The following AIFM1 variants were observed in gnomAD, a reference collection of about 807,000 sequenced individuals.
AIFM1 encodes the protein apoptosis inducing factor mitochondria associated 1, also known as apoptosis-inducing factor 1, mitochondrial.
A neutral mutation model predicts 51.7 loss-of-function variants in AIFM1; 3 were observed. The ratio of observed to expected loss-of-function variants is 0.06; its 90% CI spans 0.03 to 0.15. The LOEUF is 0.15. Ranked by LOEUF, AIFM1 falls within the 10% of genes least tolerant of loss-of-function variation. The pLI is 1.00. For synonymous variants in AIFM1, 178 were observed against 179.4 expected, an observed-to-expected ratio of 0.99 and a Z score of 0.06; for missense variants, 330 against 476.8, an observed-to-expected ratio of 0.69 and a Z score of 2.87.
At chrX:130,165,229 C>A (rs912422036) in intron 1 of AIFM1, among the ~76,000 whole-genome samples, 2 of 88,503 alleles carry the variant, frequency 2.3e-5, no homozygotes, top group Non-Finnish European at 4.2e-5. Context: ...TACTTGACCT[C>A]ATTGCTCTAA....
At position 130,140,273 on chromosome X, in the gene AIFM1, G is replaced by A. The variant is rs1474016052; in HGVS notation, c.781+260C>T. 5.3e-5 allele frequency among the ~76,000 whole-genome samples: 6 copies of A among 112,198 alleles called. No homozygotes were observed. In the Admixed American group the frequency reaches 5.7e-4, roughly 11 times the overall value. ...AACGACATCACTTTCAAGGCACAGGGCACAGGGTGAGGGTTAAGCAGGGAG... is the reference window on the plus strand; with the variant it reads ...AACGACATCACTTTCAAGGCACAGGACACAGGGTGAGGGTTAAGCAGGGAG... On this transcript the variant is annotated intron_variant, in intron 7 of 15. Coordinates refer to ENST00000287295, the MANE Select transcript of AIFM1 (RefSeq NM_004208.4).
chrX:130,165,796 G>C lies in AIFM1; in HGVS notation c.-140C>G, dbSNP rs770737305. The C allele has an allele frequency of 1.9e-4, 109 of 569,169 alleles. No individual in the cohort carries two copies. Among genetic ancestry groups the C allele is most frequent in the East Asian group, 1.8e-3 (49 of 27,619 alleles). 46.9% of individuals were successfully genotyped at this position (569,169 alleles called of 1,213,427 possible). A position where few individuals can be genotyped will look rare whatever the true frequency, so the allele number is the denominator to read the frequency against. ...AGACTCCTCCTCCCAGCTCCGGGTGGGCATTGGACAGAGAAGCCGGCCTGC... is the reference window on the plus strand; with the variant it reads ...AGACTCCTCCTCCCAGCTCCGGGTGCGCATTGGACAGAGAAGCCGGCCTGC... On this transcript the variant is annotated 5_prime_UTR_variant, in exon 1 of 16. Transcript: ENST00000287295.
At chrX:130,158,604 G>C (rs2031245073) in intron 1 of AIFM1, among the ~76,000 whole-genome samples, 1 of 107,271 alleles carries the variant, frequency 9.3e-6, no homozygotes, top group Non-Finnish European at 1.9e-5. Flanking sequence ...GTCTAGAGCA[G>C]GTATATCCTA....
chrX:130,135,536 T>C (rs1356092571), intron 12 of AIFM1, among the ~76,000 whole-genome samples: 3 of 108,822 alleles, frequency 2.8e-5, no homozygotes, highest in African/African-American at 1.0e-4. Flanking sequence ...CACAATACAC[T>C]TGTAACTAGC....
chrX:130,137,879 A>G, intron 9 of AIFM1: 1 of 385,200 alleles, frequency 2.6e-6, no homozygotes, highest in Non-Finnish European at 3.5e-6. Context: ...CCTGACCAAC[A>G]TGGAGAAACC....
intron 6 of AIFM1, among the ~76,000 whole-genome samples, chrX:130,141,325 C>A (rs1603225551): frequency 9.0e-6 from 1 of 111,592 alleles, no homozygotes; most frequent in East Asian, 2.8e-4. Flanking sequence ...AATGAGAAGG[C>A]AGGCAACATT....
At chrX:130,140,291 G>A (rs2030529090) in intron 7 of AIFM1, among the ~76,000 whole-genome samples, 2 of 112,290 alleles carry the variant, frequency 1.8e-5, no homozygotes, top group African/African-American at 6.5e-5. Flanking sequence ...TGAGGGTTAA[G>A]CAGGGAGAGA....
chrX:130,163,304 CAAAAAAAA>C (rs10708248), intron 1 of AIFM1, among the ~76,000 whole-genome samples: 1 of 66,847 alleles, frequency 1.5e-5, no homozygotes, highest in East Asian at 6.5e-4. Flanking sequence ...GACTCCGCCT[CAAAAAAAA>C]AAAAAAAAAA....
intron 6 of AIFM1, among the ~76,000 whole-genome samples, chrX:130,140,993 G>A (rs1028555328): frequency 8.9e-6 from 1 of 112,367 alleles, no homozygotes; most frequent in Admixed American, 9.4e-5. Context: ...GCATATGCCT[G>A]TGGTCCCAGC....
At chrX:130,159,305 T>G (rs1355698970) in intron 1 of AIFM1, among the ~76,000 whole-genome samples, 2 of 112,462 alleles carry the variant, frequency 1.8e-5, no homozygotes, top group African/African-American at 3.2e-5. Flanking sequence ...GTATTTTTCT[T>G]TACTGTTCTT....
At chrX:130,159,617 G>C (rs962170521) in intron 1 of AIFM1, among the ~76,000 whole-genome samples, 14 of 109,991 alleles carry the variant, frequency 1.3e-4, no homozygotes, top group African/African-American at 4.6e-4. Flanking sequence ...TTTTGTTTTT[G>C]TTTTTCTTTT....
chrX:130,155,416 A>T, intron 2 of AIFM1: 1 of 745,567 alleles, frequency 1.3e-6, no homozygotes, highest in Non-Finnish European at 2.0e-6. Context: ...AAAAGAAAAA[A>T]ATGCTGCTCC....
chrX:130,134,230 C>T (rs1282152840), intron 12 of AIFM1, among the ~76,000 whole-genome samples: 2 of 108,080 alleles, frequency 1.9e-5, no homozygotes, highest in African/African-American at 6.8e-5. Context: ...GAGCGAGACA[C>T]CGCCTCAAAA....
intron 1 of AIFM1, among the ~76,000 whole-genome samples, chrX:130,158,593 T>G (rs1483543574): frequency 2.7e-5 from 3 of 109,207 alleles, no homozygotes; most frequent in Non-Finnish European, 5.7e-5. Flanking sequence ...GAGAACCATC[T>G]GTCTAGAGCA....
intron 2 of AIFM1, chrX:130,155,311 G>C (rs745917843): frequency 1.7e-6 from 2 of 1,204,610 alleles, no homozygotes; most frequent in Admixed American, 4.4e-5. Context: ...AAGGCCAAGA[G>C]AGAAACAAAA....
rs1271398683 is a variant in AIFM1, at chrX:130,153,527, T to C, written c.249+2934A>G. ...TACGAAGAAACGCTATTCACTGTTA[T>C]GGACTGAATGTTTCCTATTCCTATA... On this transcript the variant is annotated intron_variant, in intron 2 of 15. Coordinates refer to ENST00000287295, the MANE Select transcript of AIFM1 (RefSeq NM_004208.4). Among the ~76,000 whole-genome samples the C allele has an allele frequency of 3.6e-5, 4 of 111,492 alleles. No homozygotes were observed. In the East Asian group the frequency reaches 8.3e-4, roughly 23 times the overall value.
chrX:130,137,379 A>G, intron 9 of AIFM1, 194 bp from the exon 10 acceptor site: 1 of 1,155,261 alleles, frequency 8.7e-7, no homozygotes, highest in Non-Finnish European at 1.2e-6. Context: ...CAAATACAAC[A>G]GGTATCAGAA....
rs2031517357 is a variant in AIFM1 at position 130,165,840 on chromosome X, A to G, written c.-184T>C. The G allele has an allele frequency of 2.0e-6, 1 of 490,733 alleles. No individual in the cohort carries two copies. Among genetic ancestry groups the G allele is most frequent in the African/African-American group, 2.3e-5 (1 of 42,956 alleles). 40.4% of individuals were successfully genotyped at this position (490,733 alleles called of 1,213,427 possible). A position where few individuals can be genotyped will look rare whatever the true frequency, so the allele number is the denominator to read the frequency against. On this transcript the variant is annotated 5_prime_UTR_variant, in exon 1 of 16. Transcript: ENST00000287295. ...GGCCTGCTAGAGCCGGGGAAGGGGA[A>G]CGGCGACCGGAGGCCTACTGCGCAG... is the stretch of plus-strand genomic sequence containing the variant.
At chrX:130,157,746 C>T (rs1003887873) in intron 1 of AIFM1, among the ~76,000 whole-genome samples, 3 of 109,141 alleles carry the variant, frequency 2.7e-5, no homozygotes, top group Non-Finnish European at 5.7e-5. Context: ...GTGGGCAGAT[C>T]ACGAGGTCAA....
Sources: allele counts gnomAD v4.1 joint callset (sites outside exome capture counted in the v4.1 genomes callset), GRCh38; gene constraint gnomAD v4.1.1; transcripts MANE v1.5; gene names NCBI Gene and HGNC (gene_info 2026-07-23, HGNC 2026-07-21).